Variants in USB1 observed in about 807,000 individuals in gnomAD.
The protein encoded by USB1 is U6 snRNA biogenesis phosphodiesterase 1.
In USB1, 21 loss-of-function variants were observed where a neutral mutation model predicts 29.9. The observed-to-expected ratio is 0.70, with a 90% CI of 0.50 to 1.01. The LOEUF (loss-of-function observed/expected upper bound fraction) is 1.01. Ranked by LOEUF, USB1 falls within the 50% of genes least tolerant of loss-of-function variation. The probability of loss-of-function intolerance (pLI) is 0.00; values close to 1 mark genes in which losing one functional copy is unlikely to be tolerated. For missense variants in USB1, 330 were observed against 347.1 expected, an observed-to-expected ratio of 0.95 and a Z score of 0.39; for synonymous variants, 143 against 134.9, an observed-to-expected ratio of 1.06 and a Z score of -0.42.
At position 58,007,934 on chromosome 16, in the gene USB1, G is replaced by A. The variant is rs181679886; in HGVS notation, c.266-1995G>A. ...GGAGGCGGAGATTGCAGTGAACCAA[G>A]ATTGCACCACCGTACTCCATCCTGG... On this transcript the variant is annotated intron_variant, in intron 2 of 6. Transcript: ENST00000219281. Among the ~76,000 whole-genome samples, 572 of 152,222 alleles carry A rather than the reference G, an allele frequency of 3.8e-3. 1 individual carries two copies. The highest frequency in any genetic ancestry group is 6.3e-3 in the Non-Finnish European group (428 of 68,010).
chr16:58,012,682 C>A (rs547894656), intron 3 of USB1: 161 of 1,165,794 alleles, frequency 1.4e-4, no homozygotes, highest in South Asian at 7.9e-4. Flanking sequence ...GGCCCTTCCC[C>A]CTTCCACAGA....
At chr16:58,017,233 G>T in intron 4 of USB1, 101 bp from the exon 5 acceptor site, 1 of 1,035,094 alleles carries the variant, frequency 9.7e-7, no homozygotes, top group South Asian at 1.3e-5. Flanking sequence ...GAGACCCACG[G>T]CCCAGGCCTC....
chr16:58,017,710 C>A (rs1422062109), intron 5 of USB1, among the ~76,000 whole-genome samples: 1 of 152,130 alleles, frequency 6.6e-6, no homozygotes, highest in Non-Finnish European at 1.5e-5. Flanking sequence ...CCATAATGTT[C>A]CCGTGTTGTT....
Position 58,013,632 on chromosome 16 carries a change from T to G in USB1, c.450-641T>G. 1 of 986,048 alleles carries G rather than the reference T, an allele frequency of 1.0e-6. No homozygotes were observed. Among genetic ancestry groups the G allele is most frequent in the Non-Finnish European group, 1.2e-6 (1 of 830,586 alleles). The allele number at this position is 986,048 out of a possible 1,614,324, so 61.1% of individuals were successfully genotyped here. On this transcript the variant is annotated intron_variant, in intron 3 of 6. Transcript: ENST00000219281. The surrounding 1 kb of genome is among the most constrained non-coding windows in gnomAD (Gnocchi z 4.3). ...GGTGGGTGGGGGCATCTGTCTCGAT[T>G]TCACACCAACAGACCTATTCCCCTC...
rs775852338 is a variant in USB1, at chr16:58,019,071, G to A, written c.693+16G>A. The A allele has an allele frequency of 2.7e-5, 43 of 1,613,500 alleles. No homozygotes were observed. The highest frequency in any genetic ancestry group is 8.0e-5 in the African/African-American group (6 of 74,906). On this transcript the variant is annotated intron_variant, in intron 6 of 6. Transcript: ENST00000219281. ...GGAACTACAGGTGAATTTCCAGGGC[G>A]GGAGCACAGAGGGCGCTGAACTCCA...
At position 58,021,279 on chromosome 16, in the gene USB1, A is replaced by C. The variant is rs1054987230; in HGVS notation, c.*1034A>C. 1.6e-4 allele frequency: 25 copies of C among 152,274 alleles called. No homozygotes were observed. Among genetic ancestry groups the C allele is most frequent in the Admixed American group, 1.1e-3 (17 of 15,280 alleles). The allele number at this position is 152,274 out of a possible 1,614,324, so 9.4% of individuals were successfully genotyped here. A position where few individuals can be genotyped will look rare whatever the true frequency, so the allele number is the denominator to read the frequency against. On this transcript the variant is annotated 3_prime_UTR_variant, in exon 7 of 7. Transcript: ENST00000219281. ...GCAAGGTGCCTGGGGAGACTTGAGC[A>C]GATGTTTCATTTTGGCCTGGCCAGT...
chr16:58,001,389 C>T, upstream of USB1: 1 of 1,441,296 alleles, frequency 6.9e-7, no homozygotes, highest in South Asian at 1.2e-5. Context: ...CCAGCCCAGG[C>T]CCCGCCCCTG....
chr16:58,012,959 C>G (rs1409237672), intron 3 of USB1: 1 of 985,746 alleles, frequency 1.0e-6, no homozygotes, highest in East Asian at 1.1e-4. Flanking sequence ...GGTTCCCTTG[C>G]TCACTGAGAG....
At chr16:58,016,816 G>A (rs1171901320) in intron 4 of USB1, 1 of 190,632 alleles carries the variant, frequency 5.2e-6, no homozygotes, top group Non-Finnish European at 1.1e-5. Context: ...GTGAGAAAGA[G>A]ATAGTGATGG....
chr16:58,002,534 A>G lies in USB1; in HGVS notation c.154A>G (p.Met52Val). The G allele has an allele frequency of 2.5e-6, 4 of 1,614,082 alleles. No individual in the cohort carries two copies. The highest frequency in any genetic ancestry group is 3.4e-6 in the Non-Finnish European group (4 of 1,180,020). The change falls in exon 2 of 7, where the codon ATG (methionine) becomes GTG (valine). Residue 52 changes from methionine to valine, a missense_variant. Coordinates refer to ENST00000219281, the MANE Select transcript of USB1 (RefSeq NM_024598.4). ...RFPVPDSVLNMFPGTEEGPED... is the reference protein window; with the variant it reads ...RFPVPDSVLNVFPGTEEGPED... The stretch of plus-strand genomic sequence containing the variant: ...TCCAGTACCTGACAGTGTGCTGAAC[A>G]TGTTCCCGGGCACCGAGGAGGGGCC...
chr16:58,002,623 G>A lies in USB1; in HGVS notation c.243G>A (p.Trp81Ter), dbSNP rs137853973. 4 of 1,613,898 alleles carry A rather than the reference G, an allele frequency of 2.5e-6. No homozygotes were observed. Among genetic ancestry groups the A allele is most frequent in the Non-Finnish European group, 3.4e-6 (4 of 1,180,014 alleles). Residue 81 changes from tryptophan (W) to a stop codon, truncating the protein, a stop_gained, in exon 2 of 7, where the codon TGG becomes TGA. Coordinates refer to ENST00000219281, the MANE Select transcript of USB1 (RefSeq NM_024598.4). LOFTEE classifies it high-confidence loss of function. ...VRTFPHERGNWATHVYVPYEA... is the reference protein window; with the variant it reads ...VRTFPHERGN ...CCTTCCCCCACGAGCGAGGCAACTG[G>A]GCCACCCACGTCTATGTACCATGTG... is the stretch of plus-strand genomic sequence containing the variant.
chr16:58,015,059 CAA>C (rs1434744798), intron 4 of USB1: 3 of 151,772 alleles, frequency 2.0e-5, no homozygotes, highest in Non-Finnish European at 4.4e-5. Context: ...TCCTGGGTGA[CAA>C]GAGTGAAACT....
At chr16:58,002,822 A>G (rs1963261359) in intron 2 of USB1, among the ~76,000 whole-genome samples, 177 bp downstream of exon 2, 1 of 152,218 alleles carries the variant, frequency 6.6e-6, no homozygotes, top group Non-Finnish European at 1.5e-5. Flanking sequence ...TTTTTCTGTC[A>G]TCTTGGTTTT....
intron 1 of USB1, 23 bp downstream of exon 1, chr16:58,001,604 C>T: frequency 1.3e-6 from 2 of 1,586,018 alleles, no homozygotes; most frequent in South Asian, 1.1e-5. Context: ...GAAGTCTCTC[C>T]GGAGGGCGCG....
intron 5 of USB1, 33 bp downstream of exon 5, chr16:58,017,472 C>G (rs754666154): frequency 6.4e-7 from 1 of 1,573,904 alleles, no homozygotes; most frequent in Admixed American, 1.7e-5. Context: ...CTCCATTGAC[C>G]CATTTCTAAT....
intron 4 of USB1, among the ~76,000 whole-genome samples, chr16:58,014,533 A>C (rs1158744281): frequency 1.3e-5 from 2 of 152,256 alleles, no homozygotes; most frequent in Non-Finnish European, 2.9e-5. Context: ...CTGTAATTCC[A>C]GCACTTTGGG....
At chr16:58,007,115 G>C (rs1241104376) in intron 2 of USB1, among the ~76,000 whole-genome samples, 1 of 152,090 alleles carries the variant, frequency 6.6e-6, no homozygotes, top group Non-Finnish European at 1.5e-5. Flanking sequence ...TATTCAATTT[G>C]CTAATATTTT....
chr16:58,000,515 C>T (rs1180673905), upstream of USB1: 8 of 149,894 alleles, frequency 5.3e-5, no homozygotes, highest in African/African-American at 1.9e-4. The surrounding 1 kb of genome is among the most constrained non-coding windows in gnomAD (Gnocchi z 4.5). Context: ...CGCTGCCAAT[C>T]CCCGGCCTCG....
rs1963252551 is a variant in USB1, at chr16:58,002,621, T to C, written c.241T>C (p.Trp81Arg). Residue 81 changes from tryptophan (W) to arginine (R), a missense_variant, in exon 2 of 7, where the codon TGG becomes CGG. Coordinates refer to ENST00000219281, the MANE Select transcript of USB1 (RefSeq NM_024598.4). ...CACCTTCCCCCACGAGCGAGGCAAC[T>C]GGGCCACCCACGTCTATGTACCATG... The part of the protein sequence containing the change: ...VRTFPHERGN[W>R]ATHVYVPYEA... 6.2e-7 allele frequency: 1 copy of C among 1,613,766 alleles called. No individual in the cohort carries two copies.
Sources: gnomAD v4.1 joint callset for allele counts (sites outside exome capture counted in the v4.1 genomes callset) on GRCh38, gnomAD v4.1.1 for gene constraint, Gnocchi (gnomAD v3.1) non-coding constraint, MANE v1.5 for transcripts, NCBI Gene and HGNC (gene_info 2026-07-23, HGNC 2026-07-21) for gene names.